The following CNR1 variants were observed in gnomAD, a reference collection of about 807,000 sequenced individuals.
The protein encoded by CNR1 is cannabinoid receptor 1.
In CNR1, 10 loss-of-function variants were observed where a neutral mutation model predicts 23.0. The ratio of observed to expected loss-of-function variants is 0.43; its 90% CI spans 0.27 to 0.74. The LOEUF (loss-of-function observed/expected upper bound fraction) is 0.74. Among genes scored for constraint, CNR1 ranks in the 30% least tolerant of loss-of-function variants. The pLI is 0.19. For synonymous variants in CNR1, 271 were observed against 255.2 expected (o/e 1.06, Z -0.59); for missense variants, 422 against 618.8 (o/e 0.68, Z 3.37).
chr6:88,160,877 A>G (rs1778066875), intron 1 of CNR1, among the ~76,000 whole-genome samples: 1 of 152,262 alleles, frequency 6.6e-6, no homozygotes, highest in Non-Finnish European at 1.5e-5. Flanking sequence ...GAATAAAGAA[A>G]TGGTGAAGGA....
chr6:88,158,916 GA>G (rs1239061745), intron 1 of CNR1, among the ~76,000 whole-genome samples: 1 of 152,162 alleles, frequency 6.6e-6, no homozygotes, highest in African/African-American at 2.4e-5. Flanking sequence ...TAAGAATAAA[GA>G]GTGGAGAACC....
chr6:88,150,874 G>T (rs1777484374), intron 1 of CNR1, among the ~76,000 whole-genome samples: 1 of 152,188 alleles, frequency 6.6e-6, no homozygotes, highest in African/African-American at 2.4e-5. Context: ...TTTGCAAGGA[G>T]CAAGAGTTGA....
rs1041745698 is a variant in CNR1, at chr6:88,142,430, C to T, written c.*1426G>A. 2 of 152,312 alleles carry T rather than the reference C, an allele frequency of 1.3e-5. No homozygotes were observed. Among genetic ancestry groups the T allele is most frequent in the African/African-American group, 4.8e-5 (2 of 41,430 alleles). 9.4% of individuals were successfully genotyped at this position (152,312 alleles called of 1,614,324 possible). Reference sequence around the variant, plus strand: ...AGTGACTGACATATTGCTCAATATTCGGTGCTCAGAAACCAAAGTACTCTC... The same window carrying T: ...AGTGACTGACATATTGCTCAATATTTGGTGCTCAGAAACCAAAGTACTCTC... On this transcript the variant is annotated 3_prime_UTR_variant, in exon 2 of 2. Transcript: ENST00000369501.
intron 1 of CNR1, among the ~76,000 whole-genome samples, chr6:88,157,937 T>C (rs999051327): frequency 1.1e-4 from 16 of 152,216 alleles, no homozygotes; most frequent in Non-Finnish European, 1.5e-5. Flanking sequence ...CTTCCTATCA[T>C]TCTCTCACTA....
At chr6:88,148,709 A>T (rs779628462) in intron 1 of CNR1, among the ~76,000 whole-genome samples, 51 of 152,232 alleles carry the variant, frequency 3.4e-4, no homozygotes, top group Admixed American at 8.5e-4. Flanking sequence ...TCATGGAATG[A>T]GCTATATGCA....
chr6:88,159,223 A>C (rs1453474464), intron 1 of CNR1, among the ~76,000 whole-genome samples: 1 of 152,190 alleles, frequency 6.6e-6, no homozygotes, highest in East Asian at 1.9e-4. Context: ...ATTTCTTTCA[A>C]GCTGGAAATA....
chr6:88,148,028 G>A (rs1196322650), intron 1 of CNR1, among the ~76,000 whole-genome samples: 4 of 152,176 alleles, frequency 2.6e-5, no homozygotes, highest in Non-Finnish European at 5.9e-5. Context: ...AAAGTTTCCT[G>A]TGATCTAGCT....
intron 1 of CNR1, among the ~76,000 whole-genome samples, chr6:88,154,581 T>A (rs914391677): frequency 1.3e-5 from 2 of 152,308 alleles, no homozygotes; most frequent in Admixed American, 6.5e-5. Flanking sequence ...CAATTTTTTT[T>A]ATTTTTTTAT....
intron 1 of CNR1, chr6:88,163,007 A>G (rs1778184770): frequency 6.6e-6 from 1 of 152,208 alleles, no homozygotes. Context: ...GCTCTCATCT[A>G]TGTTCTTTAT....
chr6:88,162,119 A>G (rs145703323), intron 1 of CNR1, among the ~76,000 whole-genome samples: 297 of 152,324 alleles, frequency 1.9e-3, no homozygotes, highest in Non-Finnish European at 1.7e-3. Flanking sequence ...ATTTCCACCT[A>G]TCCTGGAAAA....
At chr6:88,160,435 CTTTTT>C (rs1220920560) in intron 1 of CNR1, among the ~76,000 whole-genome samples, 2 of 135,164 alleles carry the variant, frequency 1.5e-5, no homozygotes, top group African/African-American at 2.7e-5. Context: ...TTTTTCTTTT[CTTTTT>C]TTTTTTTTTT....
rs1159704064 is a variant in CNR1 at position 88,145,073 on chromosome 6, G to C, written c.202C>G (p.Pro68Ala). 5.0e-6 allele frequency: 8 copies of C among 1,614,146 alleles called. No individual in the cohort carries two copies. Among genetic ancestry groups the C allele is most frequent in the Non-Finnish European group, 6.8e-6 (8 of 1,180,022 alleles). Residue 68 changes from proline (P) to alanine (A), a missense_variant, in exon 2 of 2, where the codon CCC (proline) becomes GCC (alanine). Around this residue, in one of 4 missense-constraint regions of CNR1, gnomAD observed 120 missense variants for 117.6 expected, o/e 1.02. Transcript: ENST00000369501. ...FQEKMTAGDN[P>A]QLVPADQVNI... ...ACCTGGTCTGCTGGGACTAGCTGGG[G>C]GTTGTCTCCCGCAGTCATCTTCTCT...
In CNR1 at chr6:88,145,346, A is replaced by C; in HGVS notation, c.-63-9T>G. The C allele has an allele frequency of 8.0e-7, 1 of 1,247,462 alleles. No homozygotes were observed. Among genetic ancestry groups the C allele is most frequent in the Non-Finnish European group, 1.1e-6 (1 of 884,636 alleles). 77.3% of individuals were successfully genotyped at this position (1,247,462 alleles called of 1,614,324 possible). A position where few individuals can be genotyped will look rare whatever the true frequency, so the allele number is the denominator to read the frequency against. On this transcript the variant is annotated splice_polypyrimidine_tract_variant and intron_variant, in intron 1 of 1. Transcript: ENST00000369501. ...ACCCACAGGGGGCAATCCTAAGAGG[A>C]GGGAAAACAAATAAGCCGAATGGTG... is the stretch of plus-strand genomic sequence containing the variant.
At chr6:88,159,986 T>A (rs984812735) in intron 1 of CNR1, among the ~76,000 whole-genome samples, 4 of 152,202 alleles carry the variant, frequency 2.6e-5, no homozygotes, top group Non-Finnish European at 4.4e-5. Context: ...AATGATCTTT[T>A]TTTTTTTAAA....
At chr6:88,145,896 G>A (rs569910761) in intron 1 of CNR1, among the ~76,000 whole-genome samples, 178 of 152,272 alleles carry the variant, frequency 1.2e-3, no homozygotes, top group African/African-American at 3.5e-3. Flanking sequence ...TACTTGTAGC[G>A]GGGGAGGAGG....
In CNR1 at chr6:88,142,521, C is replaced by T. The variant is rs1776878565; in HGVS notation, c.*1335G>A. On this transcript the variant is annotated 3_prime_UTR_variant, in exon 2 of 2. Transcript: ENST00000369501. ...ATGCCTGTCATTATTTTTTGCTAAG[C>T]ACTGGTCTTGTGTAATACCTAAAGG... 6.6e-6 allele frequency: 1 copy of T among 152,310 alleles called. No individual in the cohort carries two copies. The highest frequency in any genetic ancestry group is 2.4e-5 in the African/African-American group (1 of 41,434). 9.4% of individuals were successfully genotyped at this position (152,310 alleles called of 1,614,324 possible).
At chr6:88,145,739 C>T (rs932470627) in intron 1 of CNR1, among the ~76,000 whole-genome samples, 1 of 152,202 alleles carries the variant, frequency 6.6e-6, no homozygotes, top group Non-Finnish European at 1.5e-5. Flanking sequence ...TATCCCAGTG[C>T]TGGTTGGGGC....
chr6:88,143,772 A>T lies in CNR1; in HGVS notation c.*84T>A. ...TTGAGCATGGTAAAGTTAAAAAAAT[A>T]TAACCAAGGAGACAATAGACTCTTC... On this transcript the variant is annotated 3_prime_UTR_variant, in exon 2 of 2. Coordinates refer to ENST00000369501, the MANE Select transcript of CNR1 (RefSeq NM_016083.6). 3 of 973,758 alleles carry T rather than the reference A, an allele frequency of 3.1e-6. No homozygotes were observed. The highest frequency in any genetic ancestry group is 4.7e-6 in the Non-Finnish European group (3 of 642,606). The allele number at this position is 973,758 out of a possible 1,614,324, so 60.3% of individuals were successfully genotyped here.
chr6:88,161,920 T>C (rs1021112350), intron 1 of CNR1, among the ~76,000 whole-genome samples: 5 of 152,238 alleles, frequency 3.3e-5, no homozygotes, highest in African/African-American at 9.6e-5. Flanking sequence ...TGAGATATGG[T>C]AATAACCTTC....
Sources: allele counts gnomAD v4.1 joint callset (sites outside exome capture counted in the v4.1 genomes callset), GRCh38; gene constraint gnomAD v4.1.1; regional missense constraint gnomAD v4.1.1; transcripts MANE v1.5; gene names NCBI Gene and HGNC (gene_info 2026-07-23, HGNC 2026-07-21).